The following PRKD2 variants were observed in gnomAD, a reference collection of about 807,000 sequenced individuals.
PRKD2 encodes the protein protein kinase D2.
Under a neutral mutation model 86.0 loss-of-function variants are expected in PRKD2, and 22 were observed. The ratio of observed to expected loss-of-function variants is 0.26; its 90% CI spans 0.18 to 0.37. The LOEUF (loss-of-function observed/expected upper bound fraction) is 0.37, where lower values mean the gene tolerates loss of function less well. PRKD2 is among the 10% of genes least tolerant of loss of function. The probability of loss-of-function intolerance (pLI) is 1.00; values close to 1 mark genes in which losing one functional copy is unlikely to be tolerated. For synonymous variants in PRKD2, 509 were observed against 510.9 expected (o/e 1.00, Z 0.05); for missense variants, 818 against 1,199.2 (o/e 0.68, Z 4.70).
rs1445644046 is a variant in PRKD2, at chr19:46,677,692, C to G, written c.2338+704G>C. 3.3e-5 allele frequency among the ~76,000 whole-genome samples: 5 copies of G among 152,298 alleles called. No individual in the cohort carries two copies. The East Asian group carries it at 9.6e-4, about 29-fold the overall frequency. Reference sequence around the variant, plus strand: ...CCCGGTGCCACTTCATCAGGCCCAGCCACAACACCAAAGCCCCAGAATGCA... The same window carrying G: ...CCCGGTGCCACTTCATCAGGCCCAGGCACAACACCAAAGCCCCAGAATGCA... On this transcript the variant is annotated intron_variant, in intron 16 of 17. Coordinates refer to ENST00000291281, the MANE Select transcript of PRKD2 (RefSeq NM_016457.5).
intron 5 of PRKD2, 79 bp downstream of exon 5, chr19:46,704,090 T>C: frequency 6.3e-7 from 1 of 1,583,020 alleles, no homozygotes; most frequent in African/African-American, 1.3e-5. Flanking sequence ...GCTCAGATCC[T>C]TGTGTCCTGC....
chr19:46,675,461 T>C (rs1404049231), intron 16 of PRKD2, among the ~76,000 whole-genome samples: 3 of 152,226 alleles, frequency 2.0e-5, no homozygotes, highest in Admixed American at 2.0e-4. Context: ...ATTTATTTAT[T>C]GAGACAGAGT....
At chr19:46,681,581 C>CA in intron 15 of PRKD2, 69 bp downstream of exon 15, 1 of 847,180 alleles carries the variant, frequency 1.2e-6, no homozygotes, top group Non-Finnish European at 1.9e-6. Flanking sequence ...GTATAATCCC[C>CA]TTCCCCACCC....
At chr19:46,676,246 C>T (rs1438122834) in intron 16 of PRKD2, among the ~76,000 whole-genome samples, 11 of 151,872 alleles carry the variant, frequency 7.2e-5, no homozygotes, top group African/African-American at 1.5e-4. Context: ...CTGGCCAACA[C>T]GGAAACCCCG....
chr19:46,691,891 T>C (rs766079131), intron 11 of PRKD2, 42 bp downstream of exon 11: 2 of 1,610,438 alleles, frequency 1.2e-6, no homozygotes, highest in South Asian at 1.1e-5. Flanking sequence ...CTGAGGAGGG[T>C]TTGTGGGAGG....
intron 2 of PRKD2, among the ~76,000 whole-genome samples, chr19:46,712,227 G>A (rs1260115712): frequency 6.6e-6 from 1 of 151,778 alleles, no homozygotes; most frequent in African/African-American, 2.4e-5. Context: ...CTGGGTGACA[G>A]AACAAGACCC....
intron 9 of PRKD2, among the ~76,000 whole-genome samples, chr19:46,695,807 G>A (rs1183397605): frequency 1.3e-5 from 2 of 151,960 alleles, no homozygotes; most frequent in African/African-American, 4.8e-5. Flanking sequence ...TGGACACGTC[G>A]GGGGGGCATG....
At chr19:46,687,861 G>T (rs1334095100) in intron 14 of PRKD2, among the ~76,000 whole-genome samples, 1 of 152,050 alleles carries the variant, frequency 6.6e-6, no homozygotes, top group Non-Finnish European at 1.5e-5. Flanking sequence ...AGGGCTGCTT[G>T]CCCGTTTTTT....
intron 5 of PRKD2, 110 bp from the exon 6 acceptor site, chr19:46,701,222 T>A: frequency 8.4e-7 from 1 of 1,192,908 alleles, no homozygotes; most frequent in Non-Finnish European, 1.2e-6. Context: ...TCTTGCTGTC[T>A]GGGTAAGAAC....
intron 14 of PRKD2, among the ~76,000 whole-genome samples, chr19:46,687,229 T>C (rs896334462): frequency 1.3e-5 from 2 of 151,892 alleles, no homozygotes; most frequent in Admixed American, 1.3e-4. Context: ...TTTATAAAAA[T>C]GTCTTTATAA....
chr19:46,711,044 G>A lies in PRKD2; in HGVS notation c.380-6C>T, dbSNP rs776538119. ...GTCCTCGAAGGTGGCCGAGGCTGTA[G>A]GCGGAAAATAGGGGTGGATGCTTGA... On this transcript the variant is annotated splice_region_variant and splice_polypyrimidine_tract_variant and intron_variant, in intron 2 of 17. Coordinates refer to ENST00000291281, the MANE Select transcript of PRKD2 (RefSeq NM_016457.5). 7.0e-6 allele frequency: 11 copies of A among 1,578,166 alleles called. No individual in the cohort carries two copies. The Admixed American group carries it at 1.8e-4, about 26-fold the overall frequency.
chr19:46,683,166 CTTT>C (rs34248159), intron 14 of PRKD2, among the ~76,000 whole-genome samples: 6 of 115,452 alleles, frequency 5.2e-5, no homozygotes, highest in African/African-American at 1.0e-4. Flanking sequence ...GCTTTGATTC[CTTT>C]TTTTTTTTTT....
chr19:46,713,813 G>GCC, intron 2 of PRKD2, 50 bp downstream of exon 2: 7 of 681,422 alleles, frequency 1.0e-5, no homozygotes, highest in African/African-American at 1.9e-5. Context: ...TCCCCCAGAT[G>GCC]CCCCGCCCCC....
At position 46,678,316 on chromosome 19, in the gene PRKD2, C is replaced by A; in HGVS notation, c.2338+80G>T. 1 of 1,539,526 alleles carries A rather than the reference C, an allele frequency of 6.5e-7. No homozygotes were observed. On this transcript the variant is annotated intron_variant, in intron 16 of 17. Transcript: ENST00000291281. The surrounding 1 kb of genome is among the most constrained non-coding windows in gnomAD (Gnocchi z 5.7). The stretch of plus-strand genomic sequence containing the variant: ...AGGTGCCAGGCTGTTTCCGGGTCCA[C>A]CCCCCTCTCATGGCTCCGCCCACTT...
In PRKD2 at chr19:46,674,531, C is replaced by A. The variant is rs373787185; in HGVS notation, c.2629G>T (p.Val877Phe). The change falls in exon 18 of 18, where the codon GTT becomes TTT. Residue 877 changes from valine to phenylalanine, a missense_variant. Physicochemically the swap from Val to Phe is conservative, Grantham distance 50. This residue lies in a region of PRKD2 where 132 missense variants were observed against 146.2 expected (regional missense o/e 0.90). Coordinates refer to ENST00000291281, the MANE Select transcript of PRKD2 (RefSeq NM_016457.5). ...GACGAGGGCACAGGACCTCAGAGAA[C>A]ACTGATGCGCTCCGCCAGCCCCTGC... ...DMQGLAERIS[V>F]L is the part of the protein sequence containing the mutation. The A allele has an allele frequency of 7.4e-6, 12 of 1,612,148 alleles. No individual in the cohort carries two copies. Among genetic ancestry groups the A allele is most frequent in the African/African-American group, 5.3e-5 (4 of 74,894 alleles).
intron 3 of PRKD2, among the ~76,000 whole-genome samples, chr19:46,705,493 C>T (rs2053701680): frequency 6.6e-6 from 1 of 152,118 alleles, no homozygotes; most frequent in African/African-American, 2.4e-5. Context: ...GTGATTAAAT[C>T]TTAGTAGTGT....
intron 7 of PRKD2, 89 bp downstream of exon 7, chr19:46,700,710 G>C: frequency 6.8e-7 from 1 of 1,469,240 alleles, no homozygotes; most frequent in Non-Finnish European, 9.2e-7. Flanking sequence ...AATATGAGGT[G>C]ATGTCAGCCC....
rs956064837 is a variant in PRKD2 at position 46,678,725 on chromosome 19, C to A, written c.2071-62G>T. ...TGGAGCCGCACCCACCCCAGCATCCCCACCACACCACCCTCCATGGTATTC... is the reference window on the plus strand; with the variant it reads ...TGGAGCCGCACCCACCCCAGCATCCACACCACACCACCCTCCATGGTATTC... On this transcript the variant is annotated intron_variant, in intron 15 of 17. Transcript: ENST00000291281. This position sits in a 1 kb window ranked among gnomAD's most constrained non-coding sequence, Gnocchi z 5.7. The A allele has an allele frequency of 6.6e-7, 1 of 1,517,812 alleles. No individual in the cohort carries two copies. Among genetic ancestry groups the A allele is most frequent in the South Asian group, 1.2e-5 (1 of 82,476 alleles). The allele number at this position is 1,517,812 out of a possible 1,614,324, so 94.0% of individuals were successfully genotyped here.
intron 2 of PRKD2, among the ~76,000 whole-genome samples, chr19:46,713,186 CTTTTTTTTTT>C (rs59172459): frequency 8.4e-6 from 1 of 119,016 alleles, no homozygotes; most frequent in East Asian, 2.5e-4. Flanking sequence ...GCCCGGTTAA[CTTTTTTTTTT>C]TTTTTTTTTT....
Sources: gnomAD v4.1 joint callset for allele counts (sites outside exome capture counted in the v4.1 genomes callset) on GRCh38, gnomAD v4.1.1 for gene constraint, gnomAD v4.1.1 regional missense constraint, Gnocchi (gnomAD v3.1) non-coding constraint, MANE v1.5 for transcripts, NCBI Gene and HGNC (gene_info 2026-07-23, HGNC 2026-07-21) for gene names.